Variants in BRD8 observed in about 807,000 individuals in gnomAD.
BRD8 encodes bromodomain containing 8.
In BRD8, 67 loss-of-function variants were observed where a neutral mutation model predicts 143.1. The observed-to-expected ratio is 0.47, with a 90% CI of 0.38 to 0.57. The LOEUF (loss-of-function observed/expected upper bound fraction) is 0.57. Among genes scored for constraint, BRD8 ranks in the 20% least tolerant of loss-of-function variants. The pLI, the probability that BRD8 is intolerant of heterozygous loss-of-function variation, is 0.00. For missense variants in BRD8, 1,103 were observed against 1,503.0 expected (o/e 0.73, Z 4.40); for synonymous variants, 505 against 517.1 (o/e 0.98, Z 0.32).
At chr5:138,170,020 G>A (rs1317085076) in intron 7 of BRD8, among the ~76,000 whole-genome samples, 3 of 152,194 alleles carry the variant, frequency 2.0e-5, no homozygotes, top group Non-Finnish European at 4.4e-5. Context: ...TGTATTCCTA[G>A]AGTTGTAAAT....
At chr5:138,178,063 C>T (rs539206558) in intron 1 of BRD8, among the ~76,000 whole-genome samples, 6 of 152,152 alleles carry the variant, frequency 3.9e-5, no homozygotes, top group Non-Finnish European at 8.8e-5. Flanking sequence ...TACTACCCCG[C>T]CTCCCTCTTA....
chr5:138,170,899 C>G lies in BRD8; in HGVS notation c.373G>C (p.Asp125His). 3 of 1,614,186 alleles carry G rather than the reference C, an allele frequency of 1.9e-6. No homozygotes were observed. Among genetic ancestry groups the G allele is most frequent in the Middle Eastern group, 1.6e-4 (1 of 6,062 alleles). The change falls in exon 6 of 27, where the codon GAT becomes CAT. Residue 125 changes from aspartate (D) to histidine (H), a missense_variant. Asp to His is a moderately conservative substitution (Grantham distance 81). Transcript: ENST00000254900. ...TGTCCAGCTTGAATTAGTTCTGCAT[C>G]TCTCTTTAGCCGTCTATAGGAAGAA... Reference protein sequence around the residue: ...TQERYRRLKRDAELIQAGHMD... With the variant: ...TQERYRRLKRHAELIQAGHMD...
chr5:138,143,209 T>C (rs1355141919), intron 25 of BRD8, among the ~76,000 whole-genome samples: 1 of 152,150 alleles, frequency 6.6e-6, no homozygotes, highest in African/African-American at 2.4e-5. Flanking sequence ...TGCTTGAACC[T>C]GGGCAGTTGA....
chr5:138,166,819 T>C (rs1364546887), intron 9 of BRD8, 92 bp from the exon 10 acceptor site: 3 of 774,892 alleles, frequency 3.9e-6, no homozygotes, highest in African/African-American at 3.4e-5. Flanking sequence ...AGAAAATTCT[T>C]ATGGTCTCAA....
Position 138,170,422 on chromosome 5 carries a change from T to C in BRD8, c.441-13A>G. ...CAATTTCTTTTTCCTAAACAGGGAA[T>C]TAAGGGTTAGATGCTAGACAGCTCT... On this transcript the variant is annotated splice_polypyrimidine_tract_variant and intron_variant, in intron 6 of 26. Coordinates refer to ENST00000254900, the MANE Select transcript of BRD8 (RefSeq NM_139199.2). 3.7e-6 allele frequency: 6 copies of C among 1,613,914 alleles called. No homozygotes were observed. Among genetic ancestry groups the C allele is most frequent in the Non-Finnish European group, 5.1e-6 (6 of 1,179,950 alleles).
intron 9 of BRD8, chr5:138,167,627 AT>A (rs909646297): frequency 3.2e-5 from 8 of 249,750 alleles, no homozygotes; most frequent in African/African-American, 6.8e-5. Context: ...CTGGTTCCAA[AT>A]CTTATTCCAC....
At chr5:138,150,711 C>T in intron 22 of BRD8, 34 bp downstream of exon 22, 1 of 1,571,032 alleles carries the variant, frequency 6.4e-7, no homozygotes, top group Non-Finnish European at 8.6e-7. Flanking sequence ...AGGCAGAAGA[C>T]CAACAAGACA....
intron 11 of BRD8, 76 bp downstream of exon 11, chr5:138,165,752 C>T (rs1753364513): frequency 1.4e-6 from 2 of 1,389,930 alleles, no homozygotes; most frequent in Non-Finnish European, 1.9e-6. Context: ...AAAGCAGCAG[C>T]AGCACCAAAG....
chr5:138,159,290 G>A (rs1014511195), intron 20 of BRD8, among the ~76,000 whole-genome samples: 1 of 151,964 alleles, frequency 6.6e-6, no homozygotes, highest in Non-Finnish European at 1.5e-5. Flanking sequence ...AGGAAATGAC[G>A]AGCAGGTACA....
At chr5:138,164,452 A>G in intron 12 of BRD8, 39 bp from the exon 13 acceptor site, 1 of 1,564,474 alleles carries the variant, frequency 6.4e-7, no homozygotes, top group Non-Finnish European at 8.8e-7. Flanking sequence ...AAGTACTGAT[A>G]AATCGCTATA....
chr5:138,171,193 C>A, intron 4 of BRD8, 33 bp from the exon 5 acceptor site: 2 of 1,588,100 alleles, frequency 1.3e-6, no homozygotes, highest in South Asian at 2.3e-5. Flanking sequence ...AATTCATATT[C>A]AAATAACATA....
At chr5:138,156,565 GCTAC>G (rs920500710) in intron 20 of BRD8, among the ~76,000 whole-genome samples, 2 of 152,170 alleles carry the variant, frequency 1.3e-5, no homozygotes, top group African/African-American at 4.8e-5. Context: ...AAGGGTCAAT[GCTAC>G]CTATGTCCAT....
intron 20 of BRD8, 101 bp downstream of exon 20, chr5:138,159,454 C>T (rs555431465): frequency 1.6e-6 from 2 of 1,250,208 alleles, no homozygotes; most frequent in African/African-American, 1.5e-5. Context: ...GTTCAAGACA[C>T]TGCCACAGTC....
intron 23 of BRD8, among the ~76,000 whole-genome samples, chr5:138,147,673 A>G (rs1752207938): frequency 6.6e-6 from 1 of 152,334 alleles, no homozygotes; most frequent in Admixed American, 6.5e-5. Flanking sequence ...GCAGTAGTTC[A>G]TGCCTATAAT....
At chr5:138,145,600 C>G (rs919395382) in intron 24 of BRD8, among the ~76,000 whole-genome samples, 189 bp downstream of exon 24, 1 of 152,180 alleles carries the variant, frequency 6.6e-6, no homozygotes, top group African/African-American at 2.4e-5. Context: ...AATGGCACAG[C>G]AACTATTTCT....
chr5:138,140,670 A>G (rs1265300592), intron 26 of BRD8, 35 bp downstream of exon 26: 1 of 1,593,510 alleles, frequency 6.3e-7, no homozygotes, highest in Non-Finnish European at 8.6e-7. Context: ...TCTGAAATCA[A>G]GATTCCAGAG....
chr5:138,168,217 A>C, intron 8 of BRD8, 139 bp from the exon 9 acceptor site: 2 of 702,986 alleles, frequency 2.8e-6, no homozygotes, highest in Non-Finnish European at 2.4e-6. Flanking sequence ...ACCCAAGGGA[A>C]ACTCTAAACT....
Position 138,161,070 on chromosome 5 carries a change from T to TA in BRD8, c.2250-3dup, listed in dbSNP as rs749043197. The TA allele has an allele frequency of 1.4e-4, 215 of 1,576,472 alleles. No homozygotes were observed. Among genetic ancestry groups the TA allele is most frequent in the South Asian group, 3.8e-4 (33 of 86,854 alleles). ...TTAATAGTTGACAAATCCATAGGCC[T>TA]AAAAAAAAAGAACAGGGGTAAGTAG... On this transcript the variant is annotated splice_polypyrimidine_tract_variant and splice_region_variant and intron_variant, in intron 17 of 26. Coordinates refer to ENST00000254900, the MANE Select transcript of BRD8 (RefSeq NM_139199.2).
rs780743956 is a variant in BRD8 at position 138,149,782 on chromosome 5, C to A, written c.3136G>T (p.Glu1046Ter). 6.2e-7 allele frequency: 1 copy of A among 1,604,230 alleles called. No homozygotes were observed. The highest frequency in any genetic ancestry group is 2.2e-5 in the East Asian group (1 of 44,720). The change falls in exon 23 of 27, where the codon GAA becomes TAA. Residue 1046 changes from glutamate (E) to a stop codon, truncating the protein, a stop_gained. Coordinates refer to ENST00000254900, the MANE Select transcript of BRD8 (RefSeq NM_139199.2). LOFTEE classifies it high-confidence loss of function. ...TCACCCTGGTCCTCCCCTTTGGATT[C>A]TTGCTGAGCCTCCCCCTAGGAATGC... Reference protein sequence around the residue: ...TESEEGEAQQESKGEDQGEVY... With the variant: ...TESEEGEAQQ
Sources: gnomAD v4.1 joint callset for allele counts (sites outside exome capture counted in the v4.1 genomes callset) on GRCh38, gnomAD v4.1.1 for gene constraint, MANE v1.5 for transcripts, NCBI Gene and HGNC (gene_info 2026-07-23, HGNC 2026-07-21) for gene names.